CMIP: variants seen among roughly 807,000 people sequenced by gnomAD.
The protein encoded by CMIP is c-Maf inducing protein.
A neutral mutation model predicts 97.3 loss-of-function variants in CMIP; 13 were observed. The ratio of observed to expected loss-of-function variants is 0.13; its 90% CI spans 0.09 to 0.21. The LOEUF is 0.21. Ranked by LOEUF, CMIP falls within the 10% of genes least tolerant of loss-of-function variation. The pLI is 1.00. For missense variants in CMIP, 847 were observed against 1,024.9 expected (o/e 0.83, Z 2.37); for synonymous variants, 538 against 436.3 (o/e 1.23, Z -2.91).
At chr16:81,494,904 C>T (rs1173006547) in intron 1 of CMIP, among the ~76,000 whole-genome samples, 5 of 152,308 alleles carry the variant, frequency 3.3e-5, no homozygotes, top group Admixed American at 6.5e-5. Context: ...CAAGGAAGCC[C>T]GTGAGTTGGG....
At chr16:81,665,853 CTT>C (rs1244163761) in intron 7 of CMIP, 6 of 152,378 alleles carry the variant, frequency 3.9e-5, no homozygotes, top group Admixed American at 1.3e-4. Context: ...GCATCACACT[CTT>C]TCCCCTCCTG....
At chr16:81,546,717 T>C (rs563724818) in intron 1 of CMIP, among the ~76,000 whole-genome samples, 27 of 152,308 alleles carry the variant, frequency 1.8e-4, no homozygotes, top group Middle Eastern at 3.4e-3. Flanking sequence ...TCATCATTCA[T>C]TCATTCTCTT....
chr16:81,490,061 G>C (rs1196769302), intron 1 of CMIP, among the ~76,000 whole-genome samples: 2 of 152,200 alleles, frequency 1.3e-5, no homozygotes, highest in African/African-American at 4.8e-5. Context: ...AGAGACCTGT[G>C]GACACGCCTG....
intron 1 of CMIP, among the ~76,000 whole-genome samples, chr16:81,503,064 A>C (rs999811474): frequency 1.3e-5 from 2 of 152,242 alleles, no homozygotes; most frequent in African/African-American, 4.8e-5. Flanking sequence ...GTTTCATTAA[A>C]GAGCTGCCCT....
intron 1 of CMIP, among the ~76,000 whole-genome samples, chr16:81,603,602 T>C (rs2150936203): frequency 6.6e-6 from 1 of 152,294 alleles, no homozygotes; most frequent in East Asian, 1.9e-4. Flanking sequence ...CGTGATGTCC[T>C]TTTTCTGTCC....
Position 81,654,186 on chromosome 16 carries a change from T to C in CMIP, c.639+1822T>C, listed in dbSNP as rs1319817976. Among the ~76,000 whole-genome samples, 3 of 152,172 alleles carry C rather than the reference T, an allele frequency of 2.0e-5. No homozygotes were observed. The East Asian group carries it at 5.8e-4, about 29-fold the overall frequency. On this transcript the variant is annotated intron_variant, in intron 4 of 20. Transcript: ENST00000537098. ...ATTTTTTTTCCCCTCTCAGATGTGC[T>C]TCAGGTGACCGCATGACTGTTGGCC...
chr16:81,701,565 TG>T, intron 15 of CMIP, 94 bp from the exon 16 acceptor site: 1 of 1,556,796 alleles, frequency 6.4e-7, no homozygotes, highest in Non-Finnish European at 8.8e-7. Context: ...ATAGTGGGGT[TG>T]CTGGTTTTCA....
At chr16:81,476,293 T>A in intron 1 of CMIP, 1 of 1,554,560 alleles carries the variant, frequency 6.4e-7, no homozygotes, top group Non-Finnish European at 8.9e-7. Flanking sequence ...ATAGATGGAC[T>A]TGCCACCAGT....
intron 2 of CMIP, 112 bp downstream of exon 2, chr16:81,607,804 C>A: frequency 8.2e-7 from 1 of 1,215,354 alleles, no homozygotes. Flanking sequence ...GGTTGTTTAA[C>A]TTTGGGTGAT....
At chr16:81,581,752 C>G (rs1301395236) in intron 1 of CMIP, among the ~76,000 whole-genome samples, 1 of 152,166 alleles carries the variant, frequency 6.6e-6, no homozygotes, top group Non-Finnish European at 1.5e-5. Context: ...GGCAAGGGAA[C>G]CACTTCCTCA....
chr16:81,619,395 G>A (rs1351465510), intron 2 of CMIP: 1 of 152,286 alleles, frequency 6.6e-6, no homozygotes, highest in African/African-American at 2.4e-5. Context: ...GATGACTTGG[G>A]GAGCGGGAGG....
At chr16:81,564,499 G>T (rs1427760847) in intron 1 of CMIP, among the ~76,000 whole-genome samples, 1 of 152,202 alleles carries the variant, frequency 6.6e-6, no homozygotes, top group Non-Finnish European at 1.5e-5. Context: ...GAATCCCCTA[G>T]AGTTGATGTG....
intron 1 of CMIP, among the ~76,000 whole-genome samples, chr16:81,493,370 TCG>T (rs1491182851): frequency 7.9e-4 from 119 of 150,338 alleles, no homozygotes; most frequent in Non-Finnish European, 1.2e-3. Flanking sequence ...TCGTTACCTG[TCG>T]TTACCTGTCG....
Position 81,668,747 on chromosome 16 carries a change from ACTC to A in CMIP, c.826-1391_826-1389del, listed in dbSNP as rs1482534607. 4.0e-5 allele frequency among the ~76,000 whole-genome samples: 6 copies of A among 151,812 alleles called. 1 individual carries two copies. Among genetic ancestry groups the A allele is most frequent in the African/African-American group, 1.5e-4 (6 of 41,336 alleles). On this transcript the variant is annotated intron_variant, in intron 7 of 20. Transcript: ENST00000537098. The stretch of plus-strand genomic sequence containing the variant: ...CCCTGCCACTAATGCCTGGTGCCCA[ACTC>A]CTCATTGCACATGTATGCCTCTGTC...
In CMIP at chr16:81,553,412, T is replaced by C. The variant is rs544878482; in HGVS notation, c.301-54155T>C. Among the ~76,000 whole-genome samples, 180 of 152,250 alleles carry C rather than the reference T, an allele frequency of 1.2e-3. 1 individual carries two copies. The highest frequency in any genetic ancestry group is 4.2e-3 in the African/African-American group (176 of 41,546). On this transcript the variant is annotated intron_variant, in intron 1 of 20. Transcript: ENST00000537098. Reference sequence around the variant, plus strand: ...GGGCAGGCTGGGTCGCTGTTTGCACTGGGGGAAGCGCTGGCCTCAGAGGTG... The same window carrying C: ...GGGCAGGCTGGGTCGCTGTTTGCACCGGGGGAAGCGCTGGCCTCAGAGGTG...
chr16:81,588,181 A>T (rs1017126344), intron 1 of CMIP, among the ~76,000 whole-genome samples: 1 of 152,074 alleles, frequency 6.6e-6, no homozygotes, highest in Non-Finnish European at 1.5e-5. Context: ...CGATCACCCC[A>T]AGCTTTGTTT....
At chr16:81,615,668 G>GTGTC (rs764923028) in intron 2 of CMIP, among the ~76,000 whole-genome samples, 3 of 148,698 alleles carry the variant, frequency 2.0e-5, no homozygotes, top group Non-Finnish European at 3.0e-5. Flanking sequence ...TGGTGTGTAT[G>GTGTC]TGTCTGTGTG....
chr16:81,585,195 A>T (rs551969778), intron 1 of CMIP, among the ~76,000 whole-genome samples: 7 of 152,200 alleles, frequency 4.6e-5, no homozygotes, highest in African/African-American at 1.7e-4. Flanking sequence ...TACAAAAATT[A>T]GCCAGGCATG....
intron 1 of CMIP, among the ~76,000 whole-genome samples, chr16:81,550,727 T>G (rs1597545903): frequency 6.6e-6 from 1 of 152,224 alleles, no homozygotes; most frequent in Non-Finnish European, 1.5e-5. Context: ...TTTTGCCCAC[T>G]GGTGACCACA....
Sources: allele counts gnomAD v4.1 joint callset (sites outside exome capture counted in the v4.1 genomes callset), GRCh38; gene constraint gnomAD v4.1.1; transcripts MANE v1.5; gene names NCBI Gene and HGNC (gene_info 2026-07-23, HGNC 2026-07-21).